VPS37A: variants seen among roughly 807,000 people sequenced by gnomAD.
VPS37A encodes the protein vacuolar protein sorting-associated protein 37A.
A neutral mutation model predicts 49.8 loss-of-function variants in VPS37A; 30 were observed. The ratio of observed to expected loss-of-function variants is 0.60; its 90% confidence interval spans 0.45 to 0.82. VPS37A has a LOEUF of 0.82. VPS37A is among the 40% of genes least tolerant of loss of function. The pLI, the probability that VPS37A is intolerant of heterozygous loss-of-function variation, is 0.00. For synonymous variants in VPS37A, 195 were observed against 160.6 expected, an observed-to-expected ratio of 1.21 and a Z score of -1.62; for missense variants, 593 against 464.4, an observed-to-expected ratio of 1.28 and a Z score of -2.55.
In VPS37A at chr8:17,246,975, C is replaced by A. The variant is rs536667013; in HGVS notation, c.-270C>A. 1.3e-5 allele frequency: 6 copies of A among 477,460 alleles called. No homozygotes were observed. The highest frequency in any genetic ancestry group is 2.2e-5 in the South Asian group (1 of 44,956). 29.6% of individuals were successfully genotyped at this position (477,460 alleles called of 1,614,324 possible). On this transcript the variant is annotated 5_prime_UTR_variant, in exon 1 of 12. Transcript: ENST00000324849. The stretch of plus-strand genomic sequence containing the variant: ...GGTGGAGCGCTGGGCGGCCAGGCTC[C>A]CTGGCTGGCCGGTTTGGGCGTCTGG...
At chr8:17,328,097 A>G in the VPS37A span, among the ~76,000 whole-genome samples, 1 of 152,362 alleles carries the variant, frequency 6.6e-6, no homozygotes, top group Non-Finnish European at 1.5e-5. Context: ...GTAGGCAGGC[A>G]CAAAGCTACT....
downstream of VPS37A, chr8:17,302,385 C>A: frequency 7.8e-7 from 1 of 1,285,170 alleles, no homozygotes; most frequent in South Asian, 1.8e-5. Flanking sequence ...TAATAATAAC[C>A]AAATGCAAAT....
the VPS37A span, among the ~76,000 whole-genome samples, chr8:17,322,134 C>CAG: frequency 6.6e-6 from 1 of 151,702 alleles, no homozygotes; most frequent in East Asian, 2.0e-4. Context: ...TGAGTTCTGC[C>CAG]TGTTGGCTCT....
At chr8:17,309,170 GAC>G in the VPS37A span, 1 of 746,670 alleles carries the variant, frequency 1.3e-6, no homozygotes, top group East Asian at 2.5e-5. Flanking sequence ...CTGAATAAGA[GAC>G]ACAAACTCAA....
chr8:17,290,782 A>G (rs1381172965), intron 11 of VPS37A, among the ~76,000 whole-genome samples: 1 of 152,102 alleles, frequency 6.6e-6, no homozygotes, highest in African/African-American at 2.4e-5. Context: ...CCTCTGGTAG[A>G]ATTTGGCTAT....
intron 1 of VPS37A, 113 bp downstream of exon 1, chr8:17,247,482 A>G (rs1811377917): frequency 7.1e-7 from 1 of 1,415,378 alleles, no homozygotes. Context: ...CATGTGGTTT[A>G]CCTCCCTTGG....
chr8:17,284,375 A>C, intron 9 of VPS37A, 98 bp from the exon 10 acceptor site: 1 of 1,381,788 alleles, frequency 7.2e-7, no homozygotes, highest in Non-Finnish European at 9.6e-7. Flanking sequence ...TAGGGCATAT[A>C]ATAAATTGCC....
chr8:17,247,484 C>G, intron 1 of VPS37A, 115 bp downstream of exon 1: 19 of 1,408,614 alleles, frequency 1.3e-5, no homozygotes, highest in South Asian at 6.8e-5. Context: ...TGTGGTTTAC[C>G]TCCCTTGGTT....
At chr8:17,298,950 A>G (rs1816918887), downstream of VPS37A, 1 of 152,224 alleles carries the variant, frequency 6.6e-6, no homozygotes, top group Non-Finnish European at 1.5e-5. Context: ...TTAAACAGAC[A>G]TGACAACCCA....
the VPS37A span, chr8:17,309,258 A>C: frequency 2.1e-6 from 3 of 1,439,182 alleles, no homozygotes; most frequent in Non-Finnish European, 2.9e-6. Context: ...CATTCAAAAC[A>C]GTCTTAAATA....
At chr8:17,288,479 T>C (rs1815833553) in intron 11 of VPS37A, among the ~76,000 whole-genome samples, 1 of 152,196 alleles carries the variant, frequency 6.6e-6, no homozygotes, top group Non-Finnish European at 1.5e-5. Context: ...TAGTTGGTTT[T>C]CTGTTCCCGT....
downstream of VPS37A, chr8:17,302,269 C>T (rs1309661359): frequency 3.1e-6 from 5 of 1,613,120 alleles, no homozygotes; most frequent in East Asian, 6.7e-5. Flanking sequence ...GTTATACATT[C>T]CACTCCAAAA....
chr8:17,332,805 A>G, the VPS37A span, among the ~76,000 whole-genome samples: 17 of 152,352 alleles, frequency 1.1e-4, no homozygotes, highest in East Asian at 2.7e-3. Flanking sequence ...ATCCATTTTT[A>G]TAAAACCAAC....
At chr8:17,273,384 G>A (rs1315712411) in intron 4 of VPS37A, among the ~76,000 whole-genome samples, 2 of 152,068 alleles carry the variant, frequency 1.3e-5, no homozygotes, top group African/African-American at 4.8e-5. Flanking sequence ...ACCAGTTTCT[G>A]TTCCTATACA....
intron 1 of VPS37A, among the ~76,000 whole-genome samples, chr8:17,253,185 C>T (rs1010181602): frequency 6.6e-6 from 1 of 152,060 alleles, no homozygotes; most frequent in South Asian, 2.1e-4. Context: ...TCTGCCCCTC[C>T]CCCCAACCTG....
the VPS37A span, among the ~76,000 whole-genome samples, chr8:17,327,764 T>TA: frequency 1.3e-5 from 2 of 152,226 alleles, no homozygotes; most frequent in Non-Finnish European, 2.9e-5. Context: ...TCTTAATTTG[T>TA]AAAAAATTGG....
chr8:17,300,367 G>A, downstream of VPS37A: 1 of 886,894 alleles, frequency 1.1e-6, no homozygotes, highest in Non-Finnish European at 1.7e-6. Flanking sequence ...TTCAAACCTG[G>A]ACTTCACGAC....
At chr8:17,307,900 G>T in the VPS37A span, among the ~76,000 whole-genome samples, 1 of 151,622 alleles carries the variant, frequency 6.6e-6, no homozygotes, top group East Asian at 1.9e-4. Context: ...GGTGGCGGGA[G>T]GGGGGAGGGA....
chr8:17,260,154 T>A (rs1380572636), intron 1 of VPS37A, among the ~76,000 whole-genome samples: 1 of 152,148 alleles, frequency 6.6e-6, no homozygotes, highest in Non-Finnish European at 1.5e-5. Context: ...ACTATCTTCC[T>A]TTGTAGGTAA....
Sources: gnomAD v4.1 joint callset for allele counts (sites outside exome capture counted in the v4.1 genomes callset) on GRCh38, gnomAD v4.1.1 for gene constraint, MANE v1.5 for transcripts, NCBI Gene and HGNC (gene_info 2026-07-23, HGNC 2026-07-21) for gene names.